ZFAT: variants seen among roughly 807,000 people sequenced by gnomAD.
ZFAT encodes zinc finger and AT-hook domain containing, also known as zinc finger protein ZFAT.
In ZFAT, 64 loss-of-function variants were observed where a neutral mutation model predicts 117.7. That is an observed-to-expected ratio of 0.54 (90% CI 0.44 to 0.67). ZFAT has a LOEUF of 0.67. ZFAT is among the 30% of genes least tolerant of loss of function. The pLI is 0.00. For missense variants in ZFAT, 1,433 were observed against 1,584.5 expected, an observed-to-expected ratio of 0.90 and a Z score of 1.62; for synonymous variants, 679 against 615.0, an observed-to-expected ratio of 1.10 and a Z score of -1.54.
chr8:134,560,257 T>C (rs1267012326), intron 11 of ZFAT, among the ~76,000 whole-genome samples: 1 of 152,160 alleles, frequency 6.6e-6, no homozygotes, highest in Non-Finnish European at 1.5e-5. Flanking sequence ...TCCCTCCCTC[T>C]CTATCACTGA....
At chr8:134,502,058 C>A (rs537559017) in intron 15 of ZFAT, among the ~76,000 whole-genome samples, 1 of 152,174 alleles carries the variant, frequency 6.6e-6, no homozygotes, top group Non-Finnish European at 1.5e-5. Context: ...TAGAATAGAG[C>A]GCTTGTTTTT....
the ZFAT span, among the ~76,000 whole-genome samples, chr8:134,827,766 TAAAAAA>T: frequency 8.7e-6 from 1 of 114,752 alleles, no homozygotes; most frequent in African/African-American, 3.3e-5. Flanking sequence ...AGACTCTGTC[TAAAAAA>T]AAAAAAAAAA....
intron 11 of ZFAT, among the ~76,000 whole-genome samples, chr8:134,545,690 G>T (rs1822644388): frequency 6.6e-6 from 1 of 152,176 alleles, no homozygotes. Flanking sequence ...AATTACTTTT[G>T]CACCAACCTA....
intron 11 of ZFAT, among the ~76,000 whole-genome samples, chr8:134,536,028 C>T (rs930205254): frequency 6.6e-6 from 1 of 152,176 alleles, no homozygotes; most frequent in Non-Finnish European, 1.5e-5. Context: ...CAATTTCACC[C>T]TTCTTGCAGC....
At chr8:134,789,318 CCA>C in the ZFAT span, among the ~76,000 whole-genome samples, 1 of 152,112 alleles carries the variant, frequency 6.6e-6, no homozygotes, top group African/African-American at 2.4e-5. Flanking sequence ...CATTTTAATT[CCA>C]CAGATATTTT....
At chr8:134,625,973 T>C (rs549349098) in intron 3 of ZFAT, among the ~76,000 whole-genome samples, 3 of 152,288 alleles carry the variant, frequency 2.0e-5, no homozygotes, top group East Asian at 3.9e-4. Context: ...GCCACTCCCT[T>C]TGCCTCCAGA....
At chr8:134,666,964 G>T (rs988865766) in intron 1 of ZFAT, among the ~76,000 whole-genome samples, 4 of 152,194 alleles carry the variant, frequency 2.6e-5, no homozygotes, top group African/African-American at 9.7e-5. Flanking sequence ...CCATAAAAAA[G>T]AGTGAGTTCA....
chr8:134,718,747 G>A, the ZFAT span, among the ~76,000 whole-genome samples: 3 of 152,246 alleles, frequency 2.0e-5, no homozygotes, highest in East Asian at 5.8e-4. Flanking sequence ...AGGGATTGAG[G>A]AAAAGGAATA....
At chr8:134,502,640 C>A (rs188865205) in intron 15 of ZFAT, among the ~76,000 whole-genome samples, 1 of 152,272 alleles carries the variant, frequency 6.6e-6, no homozygotes, top group East Asian at 1.9e-4. Flanking sequence ...CTGAAGGTGG[C>A]AAAGGTTGTG....
intron 1 of ZFAT, among the ~76,000 whole-genome samples, chr8:134,694,156 A>G (rs989495559): frequency 2.0e-5 from 3 of 152,152 alleles, no homozygotes; most frequent in African/African-American, 4.8e-5. Flanking sequence ...GGCGCAGCTG[A>G]GGTGTCCTTC....
At chr8:134,584,686 G>A (rs545570755) in intron 9 of ZFAT, among the ~76,000 whole-genome samples, 1 of 152,072 alleles carries the variant, frequency 6.6e-6, no homozygotes, top group African/African-American at 2.4e-5. Context: ...AAATTTCATA[G>A]AGAAGAGTGA....
In ZFAT at chr8:134,525,491, T is replaced by G. The variant is rs537675289; in HGVS notation, c.3116-4490A>C. ...TGATATCAAGGTTGTCTGGACAAAT[T>G]ATACCAGATAAACCTCACGGGGATG... On this transcript the variant is annotated intron_variant, in intron 12 of 15. Transcript: ENST00000377838. Among the ~76,000 whole-genome samples, 4 of 152,328 alleles carry G rather than the reference T, an allele frequency of 2.6e-5. No individual in the cohort carries two copies. In the South Asian group the frequency reaches 6.2e-4, roughly 24 times the overall value.
chr8:134,622,121 A>G (rs1052074186), intron 3 of ZFAT, among the ~76,000 whole-genome samples: 3 of 152,168 alleles, frequency 2.0e-5, no homozygotes, highest in Non-Finnish European at 4.4e-5. Context: ...CCAATTATAT[A>G]CATGAAAGTC....
chr8:134,519,875 T>A (rs576617919), intron 13 of ZFAT, among the ~76,000 whole-genome samples: 8 of 152,346 alleles, frequency 5.3e-5, no homozygotes, highest in South Asian at 2.1e-4. Context: ...TTACTCTTTT[T>A]CATCAGTGAA....
chr8:134,499,523 C>G (rs1230070237), intron 15 of ZFAT, among the ~76,000 whole-genome samples: 1 of 145,444 alleles, frequency 6.9e-6, no homozygotes, highest in South Asian at 2.2e-4. Flanking sequence ...GGGATGCCCC[C>G]GTTGCTGGTT....
intron 1 of ZFAT, among the ~76,000 whole-genome samples, chr8:134,706,521 G>A (rs775087234): frequency 6.6e-6 from 1 of 152,084 alleles, no homozygotes; most frequent in Non-Finnish European, 1.5e-5. Context: ...GTGAAACCCC[G>A]TCTCCACTAA....
chr8:134,742,626 C>G, the ZFAT span, among the ~76,000 whole-genome samples: 1 of 152,226 alleles, frequency 6.6e-6, no homozygotes, highest in Admixed American at 6.5e-5. Context: ...CCCCTCGGCT[C>G]TCTGCTACCA....
the ZFAT span, among the ~76,000 whole-genome samples, chr8:134,807,101 AT>A: frequency 6.6e-6 from 1 of 152,358 alleles, no homozygotes; most frequent in African/African-American, 2.4e-5. Flanking sequence ...AAAAATGGAT[AT>A]TACTGAGCTA....
chr8:134,602,487 C>A lies in ZFAT; in HGVS notation c.1232G>T (p.Arg411Leu). Residue 411 changes from arginine (R) to leucine (L), a missense_variant, in exon 6 of 16, where the codon CGC (arginine) becomes CTC (leucine). Coordinates refer to ENST00000377838, the MANE Select transcript of ZFAT (RefSeq NM_020863.4). ...ACGGTCCAGCTCGTTCTTGAACTTGCGCTCACAGATGTGGCAGTCATAGAG... is the reference window on the plus strand; with the variant it reads ...ACGGTCCAGCTCGTTCTTGAACTTGAGCTCACAGATGTGGCAGTCATAGAG... Reference protein sequence around the residue: ...QLLYDCHICERKFKNELDRDR... With the variant: ...QLLYDCHICELKFKNELDRDR... 6.2e-7 allele frequency: 1 copy of A among 1,613,810 alleles called. No individual in the cohort carries two copies. The highest frequency in any genetic ancestry group is 2.2e-5 in the East Asian group (1 of 44,876).
Sources: gnomAD v4.1 joint callset for allele counts (sites outside exome capture counted in the v4.1 genomes callset) on GRCh38, gnomAD v4.1.1 for gene constraint, MANE v1.5 for transcripts, NCBI Gene and HGNC (gene_info 2026-07-23, HGNC 2026-07-21) for gene names.